The following ARHGEF17 variants were observed in gnomAD, a reference collection of about 807,000 sequenced individuals.
The protein encoded by ARHGEF17 is 164 kDa Rho-specific guanine-nucleotide exchange factor.
In ARHGEF17, 80 loss-of-function variants were observed where a neutral mutation model predicts 174.0. That is an observed-to-expected ratio of 0.46 (90% CI 0.38 to 0.55). ARHGEF17 has a LOEUF of 0.55. ARHGEF17 is among the 20% of genes least tolerant of loss of function. ARHGEF17 has a pLI of 0.00. For synonymous variants in ARHGEF17, 1,311 were observed against 1,189.1 expected (o/e 1.10, Z -2.11); for missense variants, 2,886 against 2,839.7 (o/e 1.02, Z -0.37).
intron 1 of ARHGEF17, among the ~76,000 whole-genome samples, chr11:73,313,875 G>A (rs781632906): frequency 9.2e-5 from 14 of 152,222 alleles, no homozygotes; most frequent in Non-Finnish European, 1.9e-4. Flanking sequence ...TGGTGAATGG[G>A]TGGTGTGATC....
intron 1 of ARHGEF17, among the ~76,000 whole-genome samples, chr11:73,325,000 G>A (rs954985213): frequency 9.9e-5 from 15 of 151,784 alleles, no homozygotes; most frequent in Admixed American, 1.3e-4. Context: ...TTCTGCTGGC[G>A]GAGAGAACTC....
At chr11:73,366,917 G>A (rs1865849060) in intron 20 of ARHGEF17, among the ~76,000 whole-genome samples, 1 of 152,146 alleles carries the variant, frequency 6.6e-6, no homozygotes, top group Non-Finnish European at 1.5e-5. Flanking sequence ...GCGGGCGCCT[G>A]TAATCCCAGC....
intron 1 of ARHGEF17, among the ~76,000 whole-genome samples, chr11:73,332,999 G>A (rs542186224): frequency 2.6e-5 from 4 of 152,026 alleles, no homozygotes; most frequent in Non-Finnish European, 5.9e-5. Context: ...GGTCAGTGCC[G>A]GCACTGAGAT....
chr11:73,356,964 G>GC, intron 7 of ARHGEF17, 61 bp from the exon 8 acceptor site: 1 of 1,568,358 alleles, frequency 6.4e-7, no homozygotes, highest in Non-Finnish European at 8.8e-7. Flanking sequence ...GGCACTATGG[G>GC]CAGGGGGGTG....
At chr11:73,357,640 C>T (rs957277375) in intron 9 of ARHGEF17, among the ~76,000 whole-genome samples, 2 of 152,220 alleles carry the variant, frequency 1.3e-5, no homozygotes, top group Admixed American at 1.3e-4. Flanking sequence ...ATCATTTGAG[C>T]GCCTAATATT....
At chr11:73,315,849 G>T (rs567451362) in intron 1 of ARHGEF17, among the ~76,000 whole-genome samples, 3 of 152,278 alleles carry the variant, frequency 2.0e-5, no homozygotes. Flanking sequence ...TCTGGGACCA[G>T]CTGGGTTTGG....
chr11:73,361,940 A>G, intron 12 of ARHGEF17, 100 bp from the exon 13 acceptor site: 1 of 1,410,476 alleles, frequency 7.1e-7, no homozygotes. Context: ...ACACCCATGC[A>G]GGCCTGCCTC....
chr11:73,338,657 G>A (rs889409379), intron 1 of ARHGEF17, among the ~76,000 whole-genome samples: 1 of 152,050 alleles, frequency 6.6e-6, no homozygotes, highest in Non-Finnish European at 1.5e-5. Context: ...AAAGGAGGCT[G>A]AAGAAAGGCA....
rs1445776904 is a variant in ARHGEF17 at position 73,310,847 on chromosome 11, C to T, written c.2209C>T (p.Pro737Ser). The T allele has an allele frequency of 1.2e-6, 2 of 1,611,876 alleles. No homozygotes were observed. Among genetic ancestry groups the T allele is most frequent in the Non-Finnish European group, 1.7e-6 (2 of 1,179,290 alleles). ...GGAGGCCTACAGGTCCCTGAGTGAC[C>T]CAATTCCTCAGCGCCACCGGGCTGC... is the stretch of plus-strand genomic sequence containing the variant. ...AGEAYRSLSD[P>S]IPQRHRAATS... is the part of the protein sequence containing the mutation. The change falls in exon 1 of 21, where the codon CCA (proline) becomes TCA (serine). Residue 737 changes from proline to serine, a missense_variant. Transcript: ENST00000263674.
intron 3 of ARHGEF17, among the ~76,000 whole-genome samples, chr11:73,354,668 C>T (rs1008239127): frequency 6.6e-6 from 1 of 150,422 alleles, no homozygotes; most frequent in Non-Finnish European, 1.5e-5. Context: ...GAGCCGAGAT[C>T]GTGCCATTGC....
Position 73,356,772 on chromosome 11 carries a change from C to A in ARHGEF17, c.3891+13C>A, listed in dbSNP as rs547834595. On this transcript the variant is annotated intron_variant, in intron 7 of 20. Transcript: ENST00000263674. ...GGTCATTGAAGTGGTAAGAAGTGTC[C>A]CAGTATCTGTCCGGCTGTCCCCACC... 8.5e-5 allele frequency: 137 copies of A among 1,614,140 alleles called. 2 individuals carry two copies. In the South Asian group the frequency reaches 1.5e-3, roughly 17 times the overall value.
intron 11 of ARHGEF17, among the ~76,000 whole-genome samples, chr11:73,360,780 G>A (rs945146438): frequency 2.1e-4 from 32 of 152,172 alleles, no homozygotes; most frequent in Non-Finnish European, 1.5e-5. Context: ...AGTGGGCACC[G>A]ATAGCCAAGA....
Position 73,310,857 on chromosome 11 carries a change from A to C in ARHGEF17, c.2219A>C (p.Gln740Pro). Residue 740 changes from glutamine to proline, a missense_variant, in exon 1 of 21, where the codon CAG (glutamine) becomes CCG (proline). Gln to Pro is a moderately conservative substitution (Grantham distance 76, BLOSUM62 -1). Around this residue, in one of 4 missense-constraint regions of ARHGEF17, gnomAD observed 1,728 missense variants for 1,461.2 expected, o/e 1.18. Coordinates refer to ENST00000263674, the MANE Select transcript of ARHGEF17 (RefSeq NM_014786.4). ...AGGTCCCTGAGTGACCCAATTCCTC[A>C]GCGCCACCGGGCTGCCACCTCTGAA... is the stretch of plus-strand genomic sequence containing the variant. ...AYRSLSDPIP[Q>P]RHRAATSEEP... 6.2e-7 allele frequency: 1 copy of C among 1,611,904 alleles called. No homozygotes were observed. Among genetic ancestry groups the C allele is most frequent in the Non-Finnish European group, 8.5e-7 (1 of 1,179,200 alleles).
At chr11:73,317,636 C>T (rs927754417) in intron 1 of ARHGEF17, among the ~76,000 whole-genome samples, 1 of 152,186 alleles carries the variant, frequency 6.6e-6, no homozygotes, top group Non-Finnish European at 1.5e-5. Context: ...AAATGGGGGC[C>T]CTGGGTCCCC....
rs369662854 is a variant in ARHGEF17, at chr11:73,309,294, T to C, written c.656T>C (p.Ile219Thr). The change falls in exon 1 of 21, where the codon ATC becomes ACC. Residue 219 changes from isoleucine (I) to threonine (T), a missense_variant. Physicochemically the swap from Ile to Thr is moderately conservative, Grantham distance 89 (BLOSUM62 -1). This residue lies in a region of ARHGEF17 where 1,728 missense variants were observed against 1,461.2 expected (regional missense o/e 1.18). Coordinates refer to ENST00000263674, the MANE Select transcript of ARHGEF17 (RefSeq NM_014786.4). ...GCGGATGGTTTACATTCTTGGCATA[T>C]CTTCTCCCAACCGCAGGCCGGGGCC... Reference protein sequence around the residue: ...RPADGLHSWHIFSQPQAGARA... With the variant: ...RPADGLHSWHTFSQPQAGARA... 3.1e-6 allele frequency: 5 copies of C among 1,611,922 alleles called. No individual in the cohort carries two copies. The highest frequency in any genetic ancestry group is 4.2e-6 in the Non-Finnish European group (5 of 1,179,640).
intron 1 of ARHGEF17, among the ~76,000 whole-genome samples, chr11:73,314,761 T>TA (rs1864901624): frequency 1.3e-5 from 2 of 152,140 alleles, no homozygotes; most frequent in South Asian, 4.1e-4. Context: ...ACACTCTTGT[T>TA]ACCTCCACTG....
chr11:73,344,339 T>C (rs1015332049), intron 1 of ARHGEF17, among the ~76,000 whole-genome samples: 1 of 152,242 alleles, frequency 6.6e-6, no homozygotes, highest in Non-Finnish European at 1.5e-5. Context: ...GTTTTCTGTG[T>C]CTTTACCTGA....
intron 9 of ARHGEF17, among the ~76,000 whole-genome samples, chr11:73,359,167 T>C (rs1865694576): frequency 6.6e-6 from 1 of 152,114 alleles, no homozygotes; most frequent in Non-Finnish European, 1.5e-5. Flanking sequence ...TTCTATAAAC[T>C]AGATTGGAGA....
In ARHGEF17 at chr11:73,310,240, C is replaced by G. The variant is rs761780096; in HGVS notation, c.1602C>G (p.Leu534=). 2 of 1,614,054 alleles carry G rather than the reference C, an allele frequency of 1.2e-6. No homozygotes were observed. Among genetic ancestry groups the G allele is most frequent in the Non-Finnish European group, 8.5e-7 (1 of 1,180,042 alleles). Residue 534 remains leucine (L), a synonymous_variant, in exon 1 of 21, where the codon CTC becomes CTG. Transcript: ENST00000263674. The part of the protein sequence containing the change: ...APASPGTRPT[L]KDLTATLRRA... ...CATCACCTGGCACGCGCCCCACACTCAAGGACTTGACAGCCACTCTGCGGA... is the reference window on the plus strand; with the variant it reads ...CATCACCTGGCACGCGCCCCACACTGAAGGACTTGACAGCCACTCTGCGGA...
Sources: allele counts gnomAD v4.1 joint callset (sites outside exome capture counted in the v4.1 genomes callset), GRCh38; gene constraint gnomAD v4.1.1; regional missense constraint gnomAD v4.1.1; transcripts MANE v1.5; gene names NCBI Gene and HGNC (gene_info 2026-07-23, HGNC 2026-07-21).